NAV3: variants seen among roughly 807,000 people sequenced by gnomAD.
NAV3 encodes neuron navigator 3.
In NAV3, 87 loss-of-function variants were observed where a neutral mutation model predicts 244.7. That is an observed-to-expected ratio of 0.36 (90% confidence interval 0.30 to 0.42). The LOEUF (loss-of-function observed/expected upper bound fraction) is 0.42. NAV3 is among the 20% of genes least tolerant of loss of function. The pLI is 1.00. For synonymous variants in NAV3, 1,126 were observed against 1,042.2 expected, an observed-to-expected ratio of 1.08 and a Z score of -1.55; for missense variants, 2,663 against 2,893.3, an observed-to-expected ratio of 0.92 and a Z score of 1.83.
intron 28 of NAV3, among the ~76,000 whole-genome samples, chr12:78,178,413 G>A (rs907351487): frequency 2.0e-5 from 3 of 151,720 alleles, no homozygotes; most frequent in Non-Finnish European, 2.9e-5. Context: ...CACCCACCTC[G>A]GCCTCCCAAA....
chr12:77,672,427 A>G (rs535551102), intron 2 of NAV3, among the ~76,000 whole-genome samples: 2 of 152,286 alleles, frequency 1.3e-5, no homozygotes, highest in East Asian at 1.9e-4. Context: ...AAGTCACTAT[A>G]TGAAAAGGAT....
intron 6 of NAV3, 114 bp downstream of exon 6, chr12:77,994,985 G>T: frequency 1.5e-6 from 1 of 673,058 alleles, no homozygotes; most frequent in Non-Finnish European, 2.4e-6. Context: ...GAAGTTTAGA[G>T]CACTAAATTT....
intron 2 of NAV3, among the ~76,000 whole-genome samples, chr12:77,635,842 CT>C (rs1872130566): frequency 6.6e-6 from 1 of 152,084 alleles, no homozygotes; most frequent in African/African-American, 2.4e-5. Flanking sequence ...AATTAAAGCT[CT>C]GTGAAACAAA....
chr12:77,702,747 G>T (rs925864451), intron 2 of NAV3, among the ~76,000 whole-genome samples: 3 of 151,828 alleles, frequency 2.0e-5, no homozygotes, highest in African/African-American at 7.3e-5. Context: ...ATACACATTA[G>T]AAATTCCACT....
intron 2 of NAV3, among the ~76,000 whole-genome samples, chr12:77,685,870 C>T (rs75775431): frequency 0.027 from 4,145 of 152,190 alleles, 97 homozygotes; most frequent in African/African-American, 0.066. Flanking sequence ...CTCACTATGC[C>T]GTTGCCATTT....
chr12:78,135,897 C>G (rs1956352464), intron 18 of NAV3, among the ~76,000 whole-genome samples: 1 of 152,076 alleles, frequency 6.6e-6, no homozygotes, highest in Non-Finnish European at 1.5e-5. Flanking sequence ...TCTTCCTTTT[C>G]CATTACATTT....
chr12:77,943,784 G>C, intron 3 of NAV3, among the ~76,000 whole-genome samples: 1 of 152,184 alleles, frequency 6.6e-6, no homozygotes, highest in East Asian at 1.9e-4. Flanking sequence ...GCCTTTGGTT[G>C]CTGTTGGTGC....
At chr12:77,871,379 G>T (rs544628263) in intron 1 of NAV3, among the ~76,000 whole-genome samples, 2 of 152,146 alleles carry the variant, frequency 1.3e-5, no homozygotes, top group African/African-American at 4.8e-5. Flanking sequence ...ATAATTATTT[G>T]CTGCACCCAT....
intron 2 of NAV3, among the ~76,000 whole-genome samples, chr12:77,768,792 G>T (rs1262558199): frequency 6.6e-6 from 1 of 152,232 alleles, no homozygotes; most frequent in Non-Finnish European, 1.5e-5. Context: ...GCTCCTGCCT[G>T]TTCCTGGTTC....
intron 2 of NAV3, among the ~76,000 whole-genome samples, chr12:77,606,869 C>A (rs748587944): frequency 6.6e-6 from 1 of 152,064 alleles, no homozygotes; most frequent in Admixed American, 6.6e-5. Flanking sequence ...AAACCCACTT[C>A]GATTGCATTC....
At chr12:77,698,827 T>C (rs556544537) in intron 2 of NAV3, among the ~76,000 whole-genome samples, 10 of 152,232 alleles carry the variant, frequency 6.6e-5, no homozygotes, top group African/African-American at 1.9e-4. Flanking sequence ...TGCTAGTAAA[T>C]AATTTTAAAA....
chr12:78,186,172 A>G (rs1384478983), intron 31 of NAV3, among the ~76,000 whole-genome samples: 1 of 151,870 alleles, frequency 6.6e-6, no homozygotes. Context: ...TGTCTATTTA[A>G]GCAAGGTCCT....
intron 12 of NAV3, 73 bp downstream of exon 12, chr12:78,059,188 T>C (rs1274337583): frequency 6.9e-7 from 1 of 1,446,786 alleles, no homozygotes; most frequent in South Asian, 1.3e-5. Context: ...AACAGAAAAC[T>C]CCTATTAAAC....
At chr12:78,085,522 A>T (rs1953588197) in intron 12 of NAV3, among the ~76,000 whole-genome samples, 4 of 152,184 alleles carry the variant, frequency 2.6e-5, no homozygotes, top group Admixed American at 2.6e-4. Flanking sequence ...ATAATCATAC[A>T]ACTTACTATA....
chr12:78,049,245 A>G (rs970228113), intron 9 of NAV3, among the ~76,000 whole-genome samples: 2 of 152,016 alleles, frequency 1.3e-5, no homozygotes, highest in African/African-American at 4.8e-5. Flanking sequence ...TCTCACTGGC[A>G]TTCCAGGTGC....
intron 1 of NAV3, among the ~76,000 whole-genome samples, chr12:77,847,639 A>G (rs765533038): frequency 8.5e-5 from 13 of 152,210 alleles, no homozygotes; most frequent in Non-Finnish European, 1.5e-4. Context: ...GCATGAGCAA[A>G]GATGCTACAC....
chr12:77,604,218 C>T (rs1030268203), intron 2 of NAV3, among the ~76,000 whole-genome samples: 2 of 151,998 alleles, frequency 1.3e-5, no homozygotes, highest in Non-Finnish European at 1.5e-5. Flanking sequence ...CAATTTTCTT[C>T]AACAATTGCA....
At chr12:78,097,552 T>C (rs373500913) in intron 12 of NAV3, among the ~76,000 whole-genome samples, 7 of 152,362 alleles carry the variant, frequency 4.6e-5, no homozygotes, top group South Asian at 2.1e-4. Context: ...ACCAAGGCGA[T>C]GTTCTGAATG....
At chr12:77,936,168 A>G (rs1208107025) in intron 1 of NAV3, among the ~76,000 whole-genome samples, 2 of 152,248 alleles carry the variant, frequency 1.3e-5, no homozygotes, top group Non-Finnish European at 1.5e-5. Context: ...CTCAAAGAAT[A>G]CATGCTATTG....
Sources: gnomAD v4.1 joint callset for allele counts (sites outside exome capture counted in the v4.1 genomes callset) on GRCh38, gnomAD v4.1.1 for gene constraint, MANE v1.5 for transcripts, NCBI Gene and HGNC (gene_info 2026-07-23, HGNC 2026-07-21) for gene names.